Variants in SLC35E2B observed in about 807,000 individuals in gnomAD.
SLC35E2B encodes solute carrier family 35, member E2B.
In SLC35E2B, 18 loss-of-function variants were observed where a neutral mutation model predicts 32.4. The ratio of observed to expected loss-of-function variants is 0.56; its 90% CI spans 0.38 to 0.82. The LOEUF (loss-of-function observed/expected upper bound fraction) is 0.82, where lower values mean the gene tolerates loss of function less well. SLC35E2B is among the 40% of genes least tolerant of loss of function. The pLI, the probability that SLC35E2B is intolerant of heterozygous loss-of-function variation, is 0.00. For synonymous variants in SLC35E2B, 132 were observed against 209.1 expected (o/e 0.63, Z 3.18); for missense variants, 263 against 469.5 (o/e 0.56, Z 4.06).
At position 1,684,804 on chromosome 1, in the gene SLC35E2B, A is replaced by AAAAC. The variant is rs1553171309; in HGVS notation, c.-148+6171_-148+6172insGTTT. On this transcript the variant is annotated intron_variant, in intron 2 of 9. Coordinates refer to ENST00000617444, the MANE Select transcript of SLC35E2B (RefSeq NM_001290264.2). ...GACTCCATCTCAAAAAAAAAAAAAA[A>AAAAC]AAAAAAAAAACAGGACAGCCAGCGG... 3.4e-5 allele frequency among the ~76,000 whole-genome samples: 5 copies of AAAAC among 147,742 alleles called. 1 individual carries two copies. Among genetic ancestry groups the AAAAC allele is most frequent in the Non-Finnish European group, 7.5e-5 (5 of 66,810 alleles).
At chr1:1,674,983 G>A (rs1643804934) in intron 5 of SLC35E2B, among the ~76,000 whole-genome samples, 1 of 151,982 alleles carries the variant, frequency 6.6e-6, no homozygotes, top group African/African-American at 2.4e-5. Context: ...GGGAGAGGCA[G>A]GAGCCTGGGT....
At chr1:1,683,752 G>A (rs1263511134) in intron 2 of SLC35E2B, among the ~76,000 whole-genome samples, 3 of 152,080 alleles carry the variant, frequency 2.0e-5, no homozygotes, top group Admixed American at 2.0e-4. Context: ...ATCAGCATAA[G>A]CTCAGGTGTG....
chr1:1,670,444 CAG>C (rs1434877922), intron 6 of SLC35E2B: 2 of 250,596 alleles, frequency 8.0e-6, no homozygotes, highest in African/African-American at 2.7e-5. Flanking sequence ...TTTTTTGAGA[CAG>C]AGTCTGGCTC....
intron 2 of SLC35E2B, among the ~76,000 whole-genome samples, chr1:1,680,527 G>A (rs943365914): frequency 6.6e-6 from 1 of 152,070 alleles, no homozygotes; most frequent in Non-Finnish European, 1.5e-5. Flanking sequence ...CCAGCCCTGG[G>A]ACACGCATGC....
At chr1:1,677,854 A>G (rs532693708) in intron 2 of SLC35E2B, among the ~76,000 whole-genome samples, 1 of 150,164 alleles carries the variant, frequency 6.7e-6, no homozygotes, top group African/African-American at 2.5e-5. Context: ...CTCCCTTCCC[A>G]CGAGCTCCAG....
Position 1,667,312 on chromosome 1 carries a change from C to T in SLC35E2B, c.980+1015G>A, listed in dbSNP as rs866951299. ...CCTGTAGTCCCAGCTACTCGGGAGG[C>T]GGAGGCAGGAGAATGGCGTGAACCC... On this transcript the variant is annotated intron_variant, in intron 9 of 9. Coordinates refer to ENST00000617444, the MANE Select transcript of SLC35E2B (RefSeq NM_001290264.2). Among the ~76,000 whole-genome samples, 20 of 151,736 alleles carry T rather than the reference C, an allele frequency of 1.3e-4. No homozygotes were observed. In the East Asian group the frequency reaches 1.7e-3, roughly 13 times the overall value.
intron 2 of SLC35E2B, among the ~76,000 whole-genome samples, chr1:1,679,129 C>A (rs1370559066): frequency 1.3e-5 from 2 of 152,184 alleles, no homozygotes; most frequent in Non-Finnish European, 2.9e-5. Flanking sequence ...CTGCCACCAC[C>A]AGCGAGTTTC....
intron 9 of SLC35E2B, among the ~76,000 whole-genome samples, chr1:1,666,786 G>A (rs370499387): frequency 4.0e-5 from 6 of 151,748 alleles, no homozygotes; most frequent in Admixed American, 2.0e-4. Flanking sequence ...GTGGGAGGCC[G>A]GGCACGGGGG....
At chr1:1,686,385 T>C (rs1238201725) in intron 2 of SLC35E2B, among the ~76,000 whole-genome samples, 2 of 151,538 alleles carry the variant, frequency 1.3e-5, no homozygotes, top group Non-Finnish European at 2.9e-5. Context: ...TACATAAATA[T>C]TTTGTACATG....
chr1:1,678,467 T>C (rs895188727), intron 2 of SLC35E2B, among the ~76,000 whole-genome samples: 5 of 152,124 alleles, frequency 3.3e-5, no homozygotes, highest in Admixed American at 3.3e-4. Context: ...CTCCCCCTGC[T>C]GTGTGTGTCT....
At chr1:1,673,974 A>C (rs1422856444) in intron 5 of SLC35E2B, 1 of 154,638 alleles carries the variant, frequency 6.5e-6, no homozygotes, top group South Asian at 2.0e-4. Flanking sequence ...AAAAGAAAAA[A>C]AAAAAAAAGA....
At chr1:1,687,809 C>G (rs1187101901) in intron 2 of SLC35E2B, among the ~76,000 whole-genome samples, 1 of 151,730 alleles carries the variant, frequency 6.6e-6, no homozygotes, top group African/African-American at 2.4e-5. Flanking sequence ...GCATGAGAAT[C>G]GCTTGAACCC....
chr1:1,690,207 G>C (rs1231481809), intron 2 of SLC35E2B, among the ~76,000 whole-genome samples: 1 of 148,570 alleles, frequency 6.7e-6, no homozygotes, highest in Non-Finnish European at 1.5e-5. Flanking sequence ...TTGAACACGG[G>C]AGGCAGAGGT....
chr1:1,680,834 G>A (rs1253012056), intron 2 of SLC35E2B, among the ~76,000 whole-genome samples: 5 of 148,232 alleles, frequency 3.4e-5, no homozygotes, highest in Admixed American at 6.8e-5. Context: ...ATGGAATCTC[G>A]ATCTGTCGCC....
At chr1:1,674,709 C>A (rs555596945) in intron 5 of SLC35E2B, among the ~76,000 whole-genome samples, 6 of 127,442 alleles carry the variant, frequency 4.7e-5, no homozygotes, top group African/African-American at 1.5e-4. Context: ...AACGTGTGTG[C>A]GGGTCTCAAG....
At chr1:1,669,165 A>G (rs1215812634) in intron 8 of SLC35E2B, among the ~76,000 whole-genome samples, 1 of 151,990 alleles carries the variant, frequency 6.6e-6, no homozygotes, top group East Asian at 1.9e-4. Flanking sequence ...GAAAACCGCA[A>G]TAAGAACTTG....
intron 5 of SLC35E2B, chr1:1,673,853 C>T (rs998398309): frequency 3.3e-5 from 5 of 151,586 alleles, no homozygotes; most frequent in African/African-American, 9.8e-5. Context: ...GTCCCAGCTA[C>T]TCAGGAGGCT....
chr1:1,674,866 G>A (rs574303304), intron 5 of SLC35E2B, among the ~76,000 whole-genome samples: 3 of 152,216 alleles, frequency 2.0e-5, no homozygotes, highest in East Asian at 1.9e-4. Context: ...TCAAGACGCC[G>A]CGCTCTGTGG....
intron 2 of SLC35E2B, among the ~76,000 whole-genome samples, chr1:1,683,625 C>CA (rs948570530): frequency 2.6e-4 from 40 of 152,192 alleles, no homozygotes; most frequent in African/African-American, 9.4e-4. Flanking sequence ...TCGCTCGCTG[C>CA]GTCCCTGAGG....
Sources: allele counts gnomAD v4.1 joint callset (sites outside exome capture counted in the v4.1 genomes callset), GRCh38; gene constraint gnomAD v4.1.1; transcripts MANE v1.5; gene names NCBI Gene and HGNC (gene_info 2026-07-23, HGNC 2026-07-21).